NRG1: variants seen among roughly 807,000 people sequenced by gnomAD.
The protein encoded by NRG1 is neuregulin 1, also known as pro-neuregulin-1, membrane-bound isoform.
In NRG1, 18 loss-of-function variants were observed where a neutral mutation model predicts 63.8. The observed-to-expected ratio is 0.28, with a 90% CI of 0.19 to 0.42. NRG1 has a LOEUF of 0.42. NRG1 is among the 10% of genes least tolerant of loss of function. NRG1 has a pLI of 1.00. For synonymous variants in NRG1, 302 were observed against 301.3 expected, an observed-to-expected ratio of 1.00 and a Z score of -0.02; for missense variants, 762 against 814.7, an observed-to-expected ratio of 0.94 and a Z score of 0.79.
At chr8:32,209,569 G>A (rs1455917579) in intron 1 of NRG1, among the ~76,000 whole-genome samples, 2 of 151,994 alleles carry the variant, frequency 1.3e-5, no homozygotes, top group Non-Finnish European at 2.9e-5. Context: ...CATAGAAGAG[G>A]GTTTCGCCAA....
chr8:32,287,769 G>A (rs1031413173), intron 1 of NRG1, among the ~76,000 whole-genome samples: 1 of 152,292 alleles, frequency 6.6e-6, no homozygotes, highest in South Asian at 2.1e-4. Context: ...ACCAGACTTG[G>A]TTCCCTTTCA....
At chr8:32,216,457 C>T (rs930500102) in intron 1 of NRG1, among the ~76,000 whole-genome samples, 4 of 148,356 alleles carry the variant, frequency 2.7e-5, no homozygotes, top group Non-Finnish European at 5.9e-5. Flanking sequence ...TATTACATTA[C>T]AATTGTATTA....
intron 1 of NRG1, among the ~76,000 whole-genome samples, chr8:31,898,095 C>T (rs1831746329): frequency 6.6e-6 from 1 of 151,900 alleles, no homozygotes; most frequent in Non-Finnish European, 1.5e-5. Flanking sequence ...AAATTGTCCC[C>T]CCTTTTCAAA....
At chr8:31,744,098 C>T (rs1316628514) in intron 1 of NRG1, among the ~76,000 whole-genome samples, 1 of 151,928 alleles carries the variant, frequency 6.6e-6, no homozygotes, top group Non-Finnish European at 1.5e-5. Flanking sequence ...GTTAACACAC[C>T]TGGCTCTAGA....
intron 1 of NRG1, among the ~76,000 whole-genome samples, chr8:31,960,593 A>G (rs940259883): frequency 2.6e-5 from 4 of 152,178 alleles, no homozygotes; most frequent in African/African-American, 7.2e-5. Context: ...CAAATCTTGT[A>G]TCTCTTGGGA....
chr8:32,339,609 T>C (rs553918752), intron 1 of NRG1, among the ~76,000 whole-genome samples: 1 of 152,364 alleles, frequency 6.6e-6, no homozygotes, highest in Admixed American at 6.5e-5. Context: ...TGTTAGACAC[T>C]GTGCTAAGAG....
chr8:32,333,370 C>T (rs976997332), intron 1 of NRG1, among the ~76,000 whole-genome samples: 1 of 152,010 alleles, frequency 6.6e-6, no homozygotes, highest in Non-Finnish European at 1.5e-5. Context: ...ACAATGCATT[C>T]AGGTATTCTC....
chr8:32,278,707 C>T (rs1563262833), intron 1 of NRG1, among the ~76,000 whole-genome samples: 2 of 152,184 alleles, frequency 1.3e-5, no homozygotes, highest in Non-Finnish European at 2.9e-5. Flanking sequence ...ACTCTGCCTC[C>T]CTTCCTCCTT....
chr8:31,758,914 C>A (rs1459188969), intron 1 of NRG1, among the ~76,000 whole-genome samples: 1 of 152,218 alleles, frequency 6.6e-6, no homozygotes. Flanking sequence ...GTGTTCTAGC[C>A]AATGCTTTAA....
chr8:32,260,811 G>T (rs1015742862), intron 1 of NRG1, among the ~76,000 whole-genome samples: 1 of 152,182 alleles, frequency 6.6e-6, no homozygotes, highest in East Asian at 1.9e-4. Flanking sequence ...CTGTGGGCTG[G>T]GCTATGGCAG....
intron 1 of NRG1, among the ~76,000 whole-genome samples, chr8:31,871,136 C>G (rs1413769287): frequency 6.6e-6 from 1 of 152,008 alleles, no homozygotes; most frequent in Non-Finnish European, 1.5e-5. Flanking sequence ...GCCACCATGC[C>G]CAGCCAATTT....
At chr8:31,808,298 A>G (rs1586560842) in intron 1 of NRG1, among the ~76,000 whole-genome samples, 1 of 151,988 alleles carries the variant, frequency 6.6e-6, no homozygotes, top group South Asian at 2.1e-4. Flanking sequence ...TTTATTTCAC[A>G]TTATTTCATC....
chr8:32,545,401 T>C (rs1320592963), upstream of NRG1, among the ~76,000 whole-genome samples: 1 of 152,194 alleles, frequency 6.6e-6, no homozygotes, highest in East Asian at 1.9e-4. Flanking sequence ...ATACATGATC[T>C]AAGACCTGAA....
At chr8:31,792,301 T>A (rs933548541) in intron 1 of NRG1, among the ~76,000 whole-genome samples, 1 of 152,252 alleles carries the variant, frequency 6.6e-6, no homozygotes, top group Non-Finnish European at 1.5e-5. Flanking sequence ...TGCCTATTTA[T>A]TCCTGGAAGT....
intron 1 of NRG1, among the ~76,000 whole-genome samples, chr8:32,481,271 C>A (rs865902239): frequency 1.3e-5 from 2 of 151,990 alleles, no homozygotes; most frequent in Non-Finnish European, 2.9e-5. Context: ...TTGAGCCTGG[C>A]AGGCGGAGGT....
intron 1 of NRG1, among the ~76,000 whole-genome samples, chr8:32,277,210 C>G (rs1181673713): frequency 6.6e-6 from 1 of 152,164 alleles, no homozygotes; most frequent in East Asian, 1.9e-4. Flanking sequence ...ATAACTTGAG[C>G]TCGCATTACA....
intron 1 of NRG1, among the ~76,000 whole-genome samples, chr8:32,448,204 T>C (rs11993611): frequency 0.65 from 98,217 of 151,988 alleles, 31,967 homozygotes; most frequent in East Asian, 0.8. Context: ...TAAGTAAATG[T>C]GTTTATTTTT....
At chr8:32,129,293 G>A (rs1366539973) in intron 1 of NRG1, among the ~76,000 whole-genome samples, 1 of 151,952 alleles carries the variant, frequency 6.6e-6, no homozygotes, top group Non-Finnish European at 1.5e-5. Flanking sequence ...CGTACTTCTA[G>A]AGGGTGGGGG....
intron 1 of NRG1, among the ~76,000 whole-genome samples, chr8:32,342,324 A>G (rs1313013757): frequency 2.6e-5 from 4 of 152,228 alleles, no homozygotes; most frequent in Admixed American, 6.5e-5. Context: ...CAGATTGACT[A>G]TCAGTCATTT....
Sources: gnomAD v4.1 joint callset for allele counts (sites outside exome capture counted in the v4.1 genomes callset) on GRCh38, gnomAD v4.1.1 for gene constraint, MANE v1.5 for transcripts, NCBI Gene and HGNC (gene_info 2026-07-23, HGNC 2026-07-21) for gene names.